The following ANKS1B variants were observed in gnomAD, a reference collection of about 807,000 sequenced individuals.
ANKS1B encodes the protein ankyrin repeat and sterile alpha motif domain-containing protein 1B.
In ANKS1B, 36 loss-of-function variants were observed where a neutral mutation model predicts 148.3. The ratio of observed to expected loss-of-function variants is 0.24; its 90% CI spans 0.19 to 0.32. The LOEUF is 0.32. ANKS1B is among the 10% of genes least tolerant of loss of function. The probability of loss-of-function intolerance (pLI) is 1.00; values close to 1 mark genes in which losing one functional copy is unlikely to be tolerated. For missense variants in ANKS1B, 1,157 were observed against 1,542.6 expected (o/e 0.75, Z 4.19); for synonymous variants, 542 against 560.8 (o/e 0.97, Z 0.47).
intron 1 of ANKS1B, among the ~76,000 whole-genome samples, chr12:99,893,569 T>A (rs2093232982): frequency 6.6e-6 from 1 of 152,150 alleles, no homozygotes; most frequent in African/African-American, 2.4e-5. Flanking sequence ...ACTTGTTTTA[T>A]TAAAAAAAGA....
chr12:99,279,175 C>T (rs1032938934), intron 12 of ANKS1B, among the ~76,000 whole-genome samples: 1 of 152,244 alleles, frequency 6.6e-6, no homozygotes, highest in African/African-American at 2.4e-5. Flanking sequence ...TCCTTTTGTT[C>T]TGAGTCTTCC....
At chr12:99,038,880 G>A (rs1308427814) in intron 17 of ANKS1B, among the ~76,000 whole-genome samples, 1 of 152,168 alleles carries the variant, frequency 6.6e-6, no homozygotes, top group African/African-American at 2.4e-5. Context: ...CTGAAGATCT[G>A]GTCACTGTCT....
At chr12:98,749,653 C>T (rs2153386076) in intron 26 of ANKS1B, among the ~76,000 whole-genome samples, 1 of 152,026 alleles carries the variant, frequency 6.6e-6, no homozygotes, top group South Asian at 2.1e-4. Flanking sequence ...ATAAAGGCCT[C>T]AGGTAGGAGT....
chr12:98,799,385 G>A (rs1458796781), intron 21 of ANKS1B, among the ~76,000 whole-genome samples: 2 of 152,142 alleles, frequency 1.3e-5, no homozygotes, highest in Non-Finnish European at 2.9e-5. Context: ...TGAGACAGCT[G>A]AGAAGCTAAG....
intron 17 of ANKS1B, among the ~76,000 whole-genome samples, chr12:99,036,930 A>C (rs2099955921): frequency 6.6e-6 from 1 of 152,224 alleles, no homozygotes; most frequent in African/African-American, 2.4e-5. Flanking sequence ...GGACAGAATC[A>C]CCATAAGGCT....
intron 1 of ANKS1B, among the ~76,000 whole-genome samples, chr12:99,860,938 G>A (rs1250799332): frequency 1.3e-5 from 2 of 152,172 alleles, no homozygotes; most frequent in African/African-American, 4.8e-5. Flanking sequence ...TGAGTCCTAT[G>A]TAAAGAACTA....
intron 11 of ANKS1B, among the ~76,000 whole-genome samples, chr12:99,442,459 C>G (rs575229365): frequency 5.3e-5 from 8 of 151,916 alleles, no homozygotes; most frequent in South Asian, 4.1e-4. Flanking sequence ...TATACAACCT[C>G]ATGAGGATAT....
intron 9 of ANKS1B, among the ~76,000 whole-genome samples, chr12:99,582,899 T>A (rs2153229468): frequency 6.6e-6 from 1 of 152,242 alleles, no homozygotes; most frequent in Non-Finnish European, 1.5e-5. Context: ...TTTGGAAAAG[T>A]GTTGATGGCT....
chr12:98,860,190 T>A (rs191147446), intron 17 of ANKS1B, among the ~76,000 whole-genome samples: 2 of 152,362 alleles, frequency 1.3e-5, no homozygotes, highest in Non-Finnish European at 2.9e-5. Flanking sequence ...CTGATACACA[T>A]CCTTTCACAC....
chr12:99,054,791 G>A (rs2099968520), intron 16 of ANKS1B, among the ~76,000 whole-genome samples: 2 of 152,244 alleles, frequency 1.3e-5, no homozygotes, highest in South Asian at 2.1e-4. Context: ...TGATTCACCT[G>A]CCTTGGCTTC....
chr12:98,852,652 T>C (rs898881872), intron 17 of ANKS1B, among the ~76,000 whole-genome samples: 7 of 152,158 alleles, frequency 4.6e-5, no homozygotes, highest in African/African-American at 1.7e-4. Context: ...TATCCCTGTT[T>C]ACAGGTGGGG....
chr12:98,960,281 C>CAGAGAG (rs139654884), intron 17 of ANKS1B, among the ~76,000 whole-genome samples: 1 of 150,018 alleles, frequency 6.7e-6, no homozygotes, highest in African/African-American at 2.4e-5. Flanking sequence ...CAGCTCAGCA[C>CAGAGAG]AGAGAGAGAG....
chr12:99,718,048 C>T (rs1265057887), intron 8 of ANKS1B, among the ~76,000 whole-genome samples: 22 of 151,490 alleles, frequency 1.5e-4, no homozygotes, highest in African/African-American at 4.1e-4. Flanking sequence ...GGACTACAGG[C>T]GCCCGCTACC....
At chr12:99,064,106 T>C (rs766715152) in intron 16 of ANKS1B, among the ~76,000 whole-genome samples, 73 of 152,306 alleles carry the variant, frequency 4.8e-4, no homozygotes, top group Non-Finnish European at 9.0e-4. Context: ...TGTTCAGATA[T>C]TGAAGACTCC....
At chr12:99,069,117 C>A (rs139025155) in intron 16 of ANKS1B, among the ~76,000 whole-genome samples, 5 of 152,284 alleles carry the variant, frequency 3.3e-5, no homozygotes, top group Admixed American at 1.3e-4. Flanking sequence ...AATGGATGGA[C>A]AATGAGCAAT....
At chr12:99,248,104 AATAATTATGATTTTGTGATGGAACGAG>A (rs1407754153) in intron 12 of ANKS1B, among the ~76,000 whole-genome samples, 98 of 152,326 alleles carry the variant, frequency 6.4e-4, no homozygotes, top group African/African-American at 2.2e-3. Flanking sequence ...GATTATTAAT[AATAATTATGATTTTGTGATGGAACGAG>A]ATGGCCAAAA....
intron 12 of ANKS1B, among the ~76,000 whole-genome samples, chr12:99,332,439 A>G (rs1181129327): frequency 6.6e-6 from 1 of 152,034 alleles, no homozygotes; most frequent in Non-Finnish European, 1.5e-5. Flanking sequence ...CCAGTTATTG[A>G]ACTCCCTTCC....
chr12:98,891,645 T>C (rs1029573108), intron 17 of ANKS1B, among the ~76,000 whole-genome samples: 7 of 152,208 alleles, frequency 4.6e-5, no homozygotes, highest in Non-Finnish European at 8.8e-5. Context: ...CACTGCACTT[T>C]GAAAACAACC....
At chr12:99,892,772 G>C (rs904099825) in intron 1 of ANKS1B, among the ~76,000 whole-genome samples, 2 of 152,206 alleles carry the variant, frequency 1.3e-5, no homozygotes, top group African/African-American at 4.8e-5. Context: ...GTCAAAGAGA[G>C]GTTCTCTGCG....
Sources: allele counts gnomAD v4.1 joint callset (sites outside exome capture counted in the v4.1 genomes callset), GRCh38; gene constraint gnomAD v4.1.1; transcripts MANE v1.5; gene names NCBI Gene and HGNC (gene_info 2026-07-23, HGNC 2026-07-21).